Variants in SV2B observed in about 807,000 individuals in gnomAD.
The protein encoded by SV2B is solute carrier family 22 member B2.
SV2B carries 41 observed loss-of-function variants against 73.9 expected under a neutral mutation model. The ratio of observed to expected loss-of-function variants is 0.56; its 90% CI spans 0.43 to 0.72. The LOEUF (loss-of-function observed/expected upper bound fraction) is 0.72, where lower values mean the gene tolerates loss of function less well. Ranked by LOEUF, SV2B falls within the 30% of genes least tolerant of loss-of-function variation. SV2B has a pLI of 0.00. For synonymous variants in SV2B, 314 were observed against 314.2 expected (o/e 1.00, Z 0.01); for missense variants, 764 against 857.8 (o/e 0.89, Z 1.37).
Position 91,258,692 on chromosome 15 carries a change from A to C in SV2B, c.918+138A>C. On this transcript the variant is annotated intron_variant, in intron 5 of 12. Transcript: ENST00000394232. This position sits in a 1 kb window ranked among gnomAD's most constrained non-coding sequence, Gnocchi z 4.7. ...AACTCTCCCCTGGTCGGCTGACCTC[A>C]CTCATCATTGAATCTGGCACCTGCC... 1 of 1,272,176 alleles carries C rather than the reference A, an allele frequency of 7.9e-7. No homozygotes were observed. Among genetic ancestry groups the C allele is most frequent in the Middle Eastern group, 2.8e-4 (1 of 3,596 alleles). The allele number at this position is 1,272,176 out of a possible 1,614,324, so 78.8% of individuals were successfully genotyped here.
chr15:91,297,257 G>A lies in SV2B; in HGVS notation c.*4705G>A, dbSNP rs973139466. 2.6e-5 allele frequency: 4 copies of A among 152,494 alleles called. No homozygotes were observed. Among genetic ancestry groups the A allele is most frequent in the African/African-American group, 4.8e-5 (2 of 41,602 alleles). 9.4% of individuals were successfully genotyped at this position (152,494 alleles called of 1,614,324 possible). On this transcript the variant is annotated 3_prime_UTR_variant, in exon 13 of 13. Transcript: ENST00000394232. This position sits in a 1 kb window ranked among gnomAD's most constrained non-coding sequence, Gnocchi z 5.1. ...ACATCCACAATTCAGGCAGGAAGCAGAAGGAAGGGCAATGGGCAAAGGGGC... is the reference window on the plus strand; with the variant it reads ...ACATCCACAATTCAGGCAGGAAGCAAAAGGAAGGGCAATGGGCAAAGGGGC...
chr15:91,111,067 C>A (rs548399048), intron 1 of SV2B, among the ~76,000 whole-genome samples: 3 of 152,024 alleles, frequency 2.0e-5, no homozygotes, highest in African/African-American at 7.2e-5. Context: ...GCGCCGCCCA[C>A]GTCTGTGGCA....
intron 1 of SV2B, among the ~76,000 whole-genome samples, chr15:91,200,629 G>T (rs8039294): frequency 0.21 from 32,646 of 152,088 alleles, 6,567 homozygotes; most frequent in African/African-American, 0.53. Context: ...ACTGAAAGCC[G>T]GCTTGGCACG....
chr15:91,188,165 A>G (rs1435908637), intron 1 of SV2B, among the ~76,000 whole-genome samples: 1 of 152,106 alleles, frequency 6.6e-6, no homozygotes, highest in African/African-American at 2.4e-5. Context: ...CTGGAGATCC[A>G]CAATACAACC....
At position 91,258,560 on chromosome 15, in the gene SV2B, T is replaced by TC. The variant is rs560167579; in HGVS notation, c.918+7dup. The TC allele has an allele frequency of 2.5e-4, 402 of 1,613,066 alleles. No individual in the cohort carries two copies. In the African/African-American group the frequency reaches 4.9e-3, roughly 20 times the overall value. ...GCCCAAGGTTTCTGCTAGAGGTGAG[T>TC]CAGTGCTTTTCCACCAGGGGGAGAG... On this transcript the variant is annotated splice_region_variant and intron_variant, in intron 5 of 12. Transcript: ENST00000394232. The surrounding 1 kb of genome is among the most constrained non-coding windows in gnomAD (Gnocchi z 4.7).
Position 91,229,342 on chromosome 15 carries a change from G to A in SV2B, c.451+2628G>A, listed in dbSNP as rs569336943. On this transcript the variant is annotated intron_variant, in intron 2 of 12. Coordinates refer to ENST00000394232, the MANE Select transcript of SV2B (RefSeq NM_001323032.3). The surrounding 1 kb of genome is among the most constrained non-coding windows in gnomAD (Gnocchi z 4.3). Reference sequence around the variant, plus strand: ...CCATCTGTAGAATAAGAGCAGTAATGCAGTGCTGTGAGGACTAAATGAGAT... The same window carrying A: ...CCATCTGTAGAATAAGAGCAGTAATACAGTGCTGTGAGGACTAAATGAGAT... Among the ~76,000 whole-genome samples the A allele has an allele frequency of 6.6e-6, 1 of 152,324 alleles. No individual in the cohort carries two copies. The highest frequency in any genetic ancestry group is 1.5e-5 in the Non-Finnish European group (1 of 68,024).
At chr15:91,196,135 G>A (rs1003659187) in intron 1 of SV2B, among the ~76,000 whole-genome samples, 1 of 152,202 alleles carries the variant, frequency 6.6e-6, no homozygotes, top group African/African-American at 2.4e-5. Flanking sequence ...CCAAGATGCT[G>A]AAATCCTCTT....
At position 91,252,589 on chromosome 15, in the gene SV2B, T is replaced by C; in HGVS notation, c.784+69T>C. The C allele has an allele frequency of 6.7e-7, 1 of 1,484,026 alleles. No homozygotes were observed. The highest frequency in any genetic ancestry group is 1.4e-5 in the African/African-American group (1 of 70,930). 91.9% of individuals were successfully genotyped at this position (1,484,026 alleles called of 1,614,324 possible). A position where few individuals can be genotyped will look rare whatever the true frequency, so the allele number is the denominator to read the frequency against. On this transcript the variant is annotated intron_variant, in intron 4 of 12. Transcript: ENST00000394232. This position sits in a 1 kb window ranked among gnomAD's most constrained non-coding sequence, Gnocchi z 4.6. ...GCTCCTGCACCCAAACAATAGTTCCTGTCCTCAGCCTTATTCCATGTACTC... is the reference window on the plus strand; with the variant it reads ...GCTCCTGCACCCAAACAATAGTTCCCGTCCTCAGCCTTATTCCATGTACTC...
intron 9 of SV2B, among the ~76,000 whole-genome samples, chr15:91,275,778 A>T (rs2048464480): frequency 3.9e-5 from 6 of 152,190 alleles, no homozygotes; most frequent in Admixed American, 3.9e-4. Context: ...GTGAGCTGAG[A>T]TACCACCACT....
intron 9 of SV2B, among the ~76,000 whole-genome samples, chr15:91,279,470 C>T (rs940407934): frequency 2.0e-5 from 3 of 152,246 alleles, no homozygotes; most frequent in African/African-American, 7.2e-5. Context: ...ATCTTTTGAA[C>T]TCTCCTGAAT....
At chr15:91,199,040 G>A (rs1488676550) in intron 1 of SV2B, among the ~76,000 whole-genome samples, 1 of 152,014 alleles carries the variant, frequency 6.6e-6, no homozygotes, top group Non-Finnish European at 1.5e-5. Context: ...TTTTAGAGAT[G>A]GGGTATCCTT....
At chr15:91,151,172 A>G (rs180773216) in intron 1 of SV2B, among the ~76,000 whole-genome samples, 1 of 152,208 alleles carries the variant, frequency 6.6e-6, no homozygotes, top group African/African-American at 2.4e-5. Flanking sequence ...CTGTGTGTCT[A>G]TTCACAAAAC....
intron 1 of SV2B, among the ~76,000 whole-genome samples, chr15:91,175,524 G>T (rs996179876): frequency 2.6e-5 from 4 of 152,054 alleles, no homozygotes; most frequent in African/African-American, 9.7e-5. Context: ...AAAGTGCTGG[G>T]ATTACAGGTG....
At chr15:91,257,219 G>A (rs953022462) in intron 4 of SV2B, among the ~76,000 whole-genome samples, 4 of 152,106 alleles carry the variant, frequency 2.6e-5, no homozygotes, top group Non-Finnish European at 5.9e-5. Context: ...AAAAATCAAT[G>A]TACTCTCAAA....
rs560920003 is a variant in SV2B, at chr15:91,240,107, G to A, written c.452-11712G>A. 1.8e-3 allele frequency among the ~76,000 whole-genome samples: 269 copies of A among 152,324 alleles called. No homozygotes were observed. The highest frequency in any genetic ancestry group is 6.1e-3 in the African/African-American group (253 of 41,572). On this transcript the variant is annotated intron_variant, in intron 2 of 12. Transcript: ENST00000394232. The surrounding 1 kb of genome is among the most constrained non-coding windows in gnomAD (Gnocchi z 4.6). ...AAGCCAGGGTTCCCTTAGCAAGGAA[G>A]AAGAGGGAAAAGGGCTGTTGGGAAC...
chr15:91,104,435 G>A lies in SV2B; in HGVS notation c.-392+4072G>A, dbSNP rs530333105. 5.3e-5 allele frequency among the ~76,000 whole-genome samples: 8 copies of A among 152,300 alleles called. No individual in the cohort carries two copies. The East Asian group carries it at 1.5e-3, about 29-fold the overall frequency. On this transcript the variant is annotated intron_variant, in intron 1 of 12. Coordinates refer to ENST00000394232, the MANE Select transcript of SV2B (RefSeq NM_001323032.3). The stretch of plus-strand genomic sequence containing the variant: ...CTCTTGAGGCCTAAGCTGATAACTG[G>A]CACTCCGTCACTTTATCTTTGTCTA...
chr15:91,240,577 C>T lies in SV2B; in HGVS notation c.452-11242C>T, dbSNP rs8026662. On this transcript the variant is annotated intron_variant, in intron 2 of 12. Transcript: ENST00000394232. This position sits in a 1 kb window ranked among gnomAD's most constrained non-coding sequence, Gnocchi z 4.6. Reference sequence around the variant, plus strand: ...TGGCTCTCTCTGACCTCCATTTTTCCACTGGCAAGAGTAAAGAAGATTCTA... The same window carrying T: ...TGGCTCTCTCTGACCTCCATTTTTCTACTGGCAAGAGTAAAGAAGATTCTA... Among the ~76,000 whole-genome samples, 48,972 of 151,946 alleles carry T rather than the reference C, an allele frequency of 0.32. 10,621 individuals are homozygous for T. The highest frequency in any genetic ancestry group is 0.62 in the African/African-American group (25,734 of 41,398).
chr15:91,284,802 A>G lies in SV2B; in HGVS notation c.1708+581A>G, dbSNP rs1459084362. 6.6e-6 allele frequency among the ~76,000 whole-genome samples: 1 copy of G among 152,208 alleles called. No homozygotes were observed. Among genetic ancestry groups the G allele is most frequent in the Admixed American group, 6.5e-5 (1 of 15,280 alleles). On this transcript the variant is annotated intron_variant, in intron 11 of 12. Coordinates refer to ENST00000394232, the MANE Select transcript of SV2B (RefSeq NM_001323032.3). This position sits in a 1 kb window ranked among gnomAD's most constrained non-coding sequence, Gnocchi z 4.5. Reference sequence around the variant, plus strand: ...TGAGAATTGAACATAAGGTACCTGTAACACTTGGCACATCGTCGGTTCTCA... The same window carrying G: ...TGAGAATTGAACATAAGGTACCTGTGACACTTGGCACATCGTCGGTTCTCA...
Position 91,110,337 on chromosome 15 carries a change from G to A in SV2B, c.-392+9974G>A, listed in dbSNP as rs1413351748. Among the ~76,000 whole-genome samples the A allele has an allele frequency of 6.6e-6, 1 of 152,158 alleles. No homozygotes were observed. The highest frequency in any genetic ancestry group is 2.1e-4 in the South Asian group (1 of 4,822). ...GAGGCCAAGAGAGAACAGGAAAACGGGGTGTGGGTCCCCTACACTGTCATG... is the reference window on the plus strand; with the variant it reads ...GAGGCCAAGAGAGAACAGGAAAACGAGGTGTGGGTCCCCTACACTGTCATG... On this transcript the variant is annotated intron_variant, in intron 1 of 12. Coordinates refer to ENST00000394232, the MANE Select transcript of SV2B (RefSeq NM_001323032.3). This position sits in a 1 kb window ranked among gnomAD's most constrained non-coding sequence, Gnocchi z 5.4.
Sources: gnomAD v4.1 joint callset for allele counts (sites outside exome capture counted in the v4.1 genomes callset) on GRCh38, gnomAD v4.1.1 for gene constraint, Gnocchi (gnomAD v3.1) non-coding constraint, MANE v1.5 for transcripts, NCBI Gene and HGNC (gene_info 2026-07-23, HGNC 2026-07-21) for gene names.